The following AAMDC variants were observed in gnomAD, a reference collection of about 807,000 sequenced individuals.
AAMDC encodes the protein mth938 domain-containing protein.
Under a neutral mutation model 15.5 loss-of-function variants are expected in AAMDC, and 16 were observed. The ratio of observed to expected loss-of-function variants is 1.03; its 90% confidence interval spans 0.70 to 1.57. AAMDC has a LOEUF of 1.57. Among genes scored for constraint, AAMDC ranks in the 40% most tolerant of loss-of-function variants. The pLI is 0.00. For synonymous variants in AAMDC, 51 were observed against 51.6 expected, an observed-to-expected ratio of 0.99 and a Z score of 0.05; for missense variants, 141 against 144.9, an observed-to-expected ratio of 0.97 and a Z score of 0.14.
At chr11:77,827,091 C>T (rs188592387) in intron 1 of AAMDC, among the ~76,000 whole-genome samples, 11 of 143,588 alleles carry the variant, frequency 7.7e-5, no homozygotes, top group Non-Finnish European at 1.2e-4. Context: ...GGTGACAGAG[C>T]GAAACTCGTC....
At chr11:77,869,309 TTTC>T (rs1448558408) in intron 2 of AAMDC, 1 of 133,232 alleles carries the variant, frequency 7.5e-6, no homozygotes, top group Non-Finnish European at 1.6e-5. Flanking sequence ...TTTATCTCTT[TTTC>T]TTTTTTTTTT....
chr11:77,899,284 AG>A (rs112463272), intron 5 of AAMDC, among the ~76,000 whole-genome samples: 66,887 of 151,824 alleles, frequency 0.44, 14,936 homozygotes, highest in Admixed American at 0.48. Context: ...GTTTAGAATT[AG>A]GGTGCATAAC....
In AAMDC at chr11:77,834,433, T is replaced by C. The variant is rs146386031; in HGVS notation, c.-18-8046T>C. Reference sequence around the variant, plus strand: ...TTTATGATGAATTTCATGGAGAAAGTTGATTTTGTTTTTTTTTTTTTTTTT... The same window carrying C: ...TTTATGATGAATTTCATGGAGAAAGCTGATTTTGTTTTTTTTTTTTTTTTT... On this transcript the variant is annotated intron_variant, in intron 1 of 3. Coordinates refer to ENST00000393427, the MANE Select transcript of AAMDC (RefSeq NM_024684.4). Among the ~76,000 whole-genome samples the C allele has an allele frequency of 8.1e-3, 1,162 of 143,278 alleles. 9 individuals carry two copies. Among genetic ancestry groups the C allele is most frequent in the Non-Finnish European group, 0.013 (841 of 66,894 alleles). 94.0% of individuals were successfully genotyped at this position (143,278 alleles called of 152,430 possible).
downstream of AAMDC, among the ~76,000 whole-genome samples, chr11:77,873,276 G>T (rs2136326635): frequency 6.6e-6 from 1 of 152,324 alleles, no homozygotes; most frequent in East Asian, 1.9e-4. Context: ...TGGAGTCATT[G>T]TAGGTATTAA....
chr11:77,883,869 G>A (rs1338920603), intron 5 of AAMDC: 2 of 1,612,764 alleles, frequency 1.2e-6, no homozygotes, highest in Non-Finnish European at 1.7e-6. Flanking sequence ...CCTGAGTGAT[G>A]AGCCGGTGCC....
At chr11:77,862,266 C>T (rs1208681209) in intron 2 of AAMDC, among the ~76,000 whole-genome samples, 7 of 152,150 alleles carry the variant, frequency 4.6e-5, no homozygotes, top group Admixed American at 3.9e-4. Flanking sequence ...GCCAAACTCT[C>T]GGGCTGCAGT....
At chr11:77,849,697 A>G (rs904585863) in intron 2 of AAMDC, among the ~76,000 whole-genome samples, 4 of 152,056 alleles carry the variant, frequency 2.6e-5, no homozygotes, top group Non-Finnish European at 4.4e-5. Flanking sequence ...CCTATATTTC[A>G]TAACACATAT....
intron 1 of AAMDC, among the ~76,000 whole-genome samples, chr11:77,834,441 GTTTTTTTTTTTTT>G (rs11438814): frequency 1.9e-5 from 2 of 105,548 alleles, no homozygotes; most frequent in African/African-American, 7.2e-5. Flanking sequence ...AGTTGATTTT[GTTTTTTTTTTTTT>G]TTTTTTTTGA....
chr11:77,863,933 C>CTT (rs113403404), intron 2 of AAMDC, among the ~76,000 whole-genome samples: 2 of 148,050 alleles, frequency 1.4e-5, no homozygotes, highest in African/African-American at 4.9e-5. Context: ...AAGATGATCC[C>CTT]TTTTTTTTTT....
intron 1 of AAMDC, among the ~76,000 whole-genome samples, chr11:77,832,766 C>T (rs1949492445): frequency 6.6e-6 from 1 of 151,056 alleles, no homozygotes; most frequent in Non-Finnish European, 1.5e-5. Flanking sequence ...TTTTGTATAC[C>T]CAGGCTTATA....
intron 5 of AAMDC, among the ~76,000 whole-genome samples, chr11:77,894,933 C>G (rs996652788): frequency 6.6e-6 from 1 of 152,108 alleles, no homozygotes; most frequent in Non-Finnish European, 1.5e-5. Context: ...TCATTTTTTC[C>G]ATAGCGGTAT....
At chr11:77,864,733 C>A (rs766114574) in intron 2 of AAMDC, among the ~76,000 whole-genome samples, 1 of 152,152 alleles carries the variant, frequency 6.6e-6, no homozygotes, top group South Asian at 2.1e-4. Flanking sequence ...AATCTCAACA[C>A]GTTGGGAGAC....
chr11:77,838,613 A>T (rs1590934744), intron 1 of AAMDC, among the ~76,000 whole-genome samples: 3 of 131,818 alleles, frequency 2.3e-5, no homozygotes, highest in Admixed American at 7.9e-5. Flanking sequence ...TGATACAAGT[A>T]CCTTTTTTTT....
intron 5 of AAMDC, among the ~76,000 whole-genome samples, chr11:77,886,334 CT>C (rs1207742876): frequency 6.6e-6 from 1 of 152,176 alleles, no homozygotes; most frequent in African/African-American, 2.4e-5. Context: ...GCTTAGAAAC[CT>C]GTGGCCCAAG....
At chr11:77,887,766 T>C in intron 5 of AAMDC, among the ~76,000 whole-genome samples, 1 of 152,170 alleles carries the variant, frequency 6.6e-6, no homozygotes, top group Non-Finnish European at 1.5e-5. Context: ...CAAGCATTCT[T>C]ATACGCCAAT....
At chr11:77,854,633 C>A (rs141927478) in intron 2 of AAMDC, among the ~76,000 whole-genome samples, 341 of 152,360 alleles carry the variant, frequency 2.2e-3, no homozygotes, top group African/African-American at 7.4e-3. Context: ...AGCTCTGCCT[C>A]TGTGGCTCTG....
chr11:77,889,855 G>C (rs927169861), intron 5 of AAMDC, among the ~76,000 whole-genome samples: 4 of 152,212 alleles, frequency 2.6e-5, no homozygotes, highest in African/African-American at 9.6e-5. Flanking sequence ...GCTATGAAGG[G>C]GGTTTTTTAG....
chr11:77,826,482 C>CAT (rs1474344473), intron 1 of AAMDC, among the ~76,000 whole-genome samples: 1 of 152,116 alleles, frequency 6.6e-6, no homozygotes, highest in Non-Finnish European at 1.5e-5. Flanking sequence ...GGCAGTTTGA[C>CAT]ATCCTATACA....
chr11:77,864,186 C>A (rs536663348), intron 2 of AAMDC, among the ~76,000 whole-genome samples: 1 of 152,270 alleles, frequency 6.6e-6, no homozygotes, highest in South Asian at 2.1e-4. Flanking sequence ...CTCAGCCTCC[C>A]AAAGTGTTGG....
Sources: allele counts gnomAD v4.1 joint callset (sites outside exome capture counted in the v4.1 genomes callset), GRCh38; gene constraint gnomAD v4.1.1; transcripts MANE v1.5; gene names NCBI Gene and HGNC (gene_info 2026-07-23, HGNC 2026-07-21).